The following RASSF5 variants were observed in gnomAD, a reference collection of about 807,000 sequenced individuals.
RASSF5 encodes the protein Ras association domain family member 5.
Under a neutral mutation model 40.5 loss-of-function variants are expected in RASSF5, and 25 were observed. The ratio of observed to expected loss-of-function variants is 0.62; its 90% CI spans 0.45 to 0.86. The LOEUF (loss-of-function observed/expected upper bound fraction) is 0.86. RASSF5 is among the 40% of genes least tolerant of loss of function. The pLI, the probability that RASSF5 is intolerant of heterozygous loss-of-function variation, is 0.00. For synonymous variants in RASSF5, 246 were observed against 252.4 expected, an observed-to-expected ratio of 0.97 and a Z score of 0.24; for missense variants, 521 against 572.8, an observed-to-expected ratio of 0.91 and a Z score of 0.92.
At chr1:206,533,661 AG>A (rs1288208603) in intron 1 of RASSF5, among the ~76,000 whole-genome samples, 14 of 152,144 alleles carry the variant, frequency 9.2e-5, no homozygotes, top group Non-Finnish European at 1.8e-4. Flanking sequence ...ACACTGAGGT[AG>A]GATGATGGCT....
chr1:206,566,812 A>C (rs781791580), intron 2 of RASSF5, among the ~76,000 whole-genome samples: 4 of 152,026 alleles, frequency 2.6e-5, no homozygotes, highest in Non-Finnish European at 4.4e-5. Context: ...TTTCTCTCCT[A>C]TCTCTCCTTT....
At chr1:206,551,385 C>T (rs782656397) in intron 2 of RASSF5, among the ~76,000 whole-genome samples, 1 of 152,214 alleles carries the variant, frequency 6.6e-6, no homozygotes, top group Admixed American at 6.5e-5. Flanking sequence ...TTACCCTGAG[C>T]GGACATCCTT....
intron 2 of RASSF5, among the ~76,000 whole-genome samples, chr1:206,545,197 G>A (rs1408742143): frequency 6.6e-6 from 1 of 152,184 alleles, no homozygotes; most frequent in Non-Finnish European, 1.5e-5. Context: ...AGGCATACCT[G>A]TGTTCTGTCT....
Position 206,521,673 on chromosome 1 carries a change from G to A in RASSF5, c.457+13614G>A, listed in dbSNP as rs1412536338. Among the ~76,000 whole-genome samples, 4 of 152,176 alleles carry A rather than the reference G, an allele frequency of 2.6e-5. No homozygotes were observed. The East Asian group carries it at 7.7e-4, about 29-fold the overall frequency. On this transcript the variant is annotated intron_variant, in intron 1 of 5. Coordinates refer to ENST00000579436, the MANE Select transcript of RASSF5 (RefSeq NM_182663.4). ...CTGCCCTTTGCCCCTTCTCAGAGAT[G>A]ATTGTCTGCCTTAAAAACAGAAACA...
intron 2 of RASSF5, among the ~76,000 whole-genome samples, chr1:206,561,265 C>T (rs1415351394): frequency 2.0e-5 from 3 of 152,198 alleles, no homozygotes; most frequent in African/African-American, 4.8e-5. Flanking sequence ...ACTAACACCC[C>T]TCCAGGACTC....
At chr1:206,569,628 TTA>T (rs1572348970) in intron 2 of RASSF5, among the ~76,000 whole-genome samples, 1 of 152,222 alleles carries the variant, frequency 6.6e-6, no homozygotes, top group East Asian at 1.9e-4. Flanking sequence ...GTAATATATT[TTA>T]TCTTTTTCAT....
chr1:206,569,739 T>C (rs189730834), intron 2 of RASSF5, among the ~76,000 whole-genome samples: 13 of 152,346 alleles, frequency 8.5e-5, no homozygotes, highest in Middle Eastern at 6.8e-3. Context: ...GCCCCTGACC[T>C]TTCTGGGCAG....
At position 206,508,026 on chromosome 1, in the gene RASSF5, C is replaced by T. The variant is rs1553394116; in HGVS notation, c.424C>T (p.Arg142Ter). 1.4e-6 allele frequency: 2 copies of T among 1,437,668 alleles called. No individual in the cohort carries two copies. Among genetic ancestry groups the T allele is most frequent in the Non-Finnish European group, 1.8e-6 (2 of 1,095,410 alleles). The allele number at this position is 1,437,668 out of a possible 1,614,324, so 89.1% of individuals were successfully genotyped here. The change falls in exon 1 of 6, where the codon CGA (arginine) becomes TGA (stop). Residue 142 changes from arginine (R) to a stop codon, truncating the protein, a stop_gained. Coordinates refer to ENST00000579436, the MANE Select transcript of RASSF5 (RefSeq NM_182663.4). LOFTEE classifies it high-confidence loss of function. ...GGPGWCDLCG[R>*]EVLRQALRCT... is the part of the protein sequence containing the mutation. ...CCCCGGCTGGTGTGACCTGTGCGGA[C>T]GAGAGGTGCTGCGGCAGGCGCTGCG...
chr1:206,585,615 T>G, intron 5 of RASSF5: 1 of 219,018 alleles, frequency 4.6e-6, no homozygotes, highest in Non-Finnish European at 9.2e-6. Context: ...CTGTTTTTGC[T>G]TCAAAATGGC....
At chr1:206,574,168 C>T (rs1487648620) in intron 2 of RASSF5, among the ~76,000 whole-genome samples, 5 of 152,230 alleles carry the variant, frequency 3.3e-5, no homozygotes, top group African/African-American at 1.2e-4. Context: ...CTGAGATGGT[C>T]ACCTCAAAGA....
chr1:206,525,864 C>T (rs1667085267), intron 1 of RASSF5, among the ~76,000 whole-genome samples: 1 of 152,204 alleles, frequency 6.6e-6, no homozygotes, highest in Non-Finnish European at 1.5e-5. Flanking sequence ...CCATCCAGCC[C>T]TGCCACACAG....
chr1:206,584,971 T>C lies in RASSF5; in HGVS notation c.989-209T>C, dbSNP rs1669051479. 4.9e-6 allele frequency: 3 copies of C among 607,458 alleles called. No homozygotes were observed. The highest frequency in any genetic ancestry group is 8.8e-6 in the Non-Finnish European group (3 of 342,646). 37.6% of individuals were successfully genotyped at this position (607,458 alleles called of 1,614,324 possible). A position where few individuals can be genotyped will look rare whatever the true frequency, so the allele number is the denominator to read the frequency against. On this transcript the variant is annotated intron_variant, in intron 4 of 5. Coordinates refer to ENST00000579436, the MANE Select transcript of RASSF5 (RefSeq NM_182663.4). The surrounding 1 kb of genome is among the most constrained non-coding windows in gnomAD (Gnocchi z 4.9). Reference sequence around the variant, plus strand: ...ATTCCTAATCTTTCAGGAGATGATGTGAATGGAATCATGCTTTAAACTCTG... The same window carrying C: ...ATTCCTAATCTTTCAGGAGATGATGCGAATGGAATCATGCTTTAAACTCTG...
At chr1:206,519,007 A>G (rs1558496254) in intron 1 of RASSF5, among the ~76,000 whole-genome samples, 1 of 151,966 alleles carries the variant, frequency 6.6e-6, no homozygotes. Flanking sequence ...CTGCAGAGTT[A>G]GTGAAGGTGC....
At chr1:206,555,322 G>T (rs1279390242) in intron 2 of RASSF5, among the ~76,000 whole-genome samples, 2 of 152,084 alleles carry the variant, frequency 1.3e-5, no homozygotes, top group Non-Finnish European at 2.9e-5. Flanking sequence ...GAGCTTCCCG[G>T]CATGAATCCA....
In RASSF5 at chr1:206,579,763, T is replaced by C. The variant is rs141667107; in HGVS notation, c.580-3506T>C. Among the ~76,000 whole-genome samples, 331 of 152,284 alleles carry C rather than the reference T, an allele frequency of 2.2e-3. No homozygotes were observed. Among genetic ancestry groups the C allele is most frequent in the African/African-American group, 7.6e-3 (316 of 41,552 alleles). ...AAGTTTCTAAAGATCCCCCAGATGA[T>C]TGCACTGTGCAGACAAGTTTAAGAA... On this transcript the variant is annotated intron_variant, in intron 2 of 5. Coordinates refer to ENST00000579436, the MANE Select transcript of RASSF5 (RefSeq NM_182663.4). This position sits in a 1 kb window ranked among gnomAD's most constrained non-coding sequence, Gnocchi z 4.2.
intron 2 of RASSF5, among the ~76,000 whole-genome samples, chr1:206,541,489 C>T (rs9661909): frequency 0.5 from 75,908 of 151,894 alleles, 19,231 homozygotes; most frequent in East Asian, 0.73. Flanking sequence ...TCATCGGAAA[C>T]AGGCATCAGA....
chr1:206,558,533 A>G (rs537312238), intron 2 of RASSF5, among the ~76,000 whole-genome samples: 27 of 152,264 alleles, frequency 1.8e-4, no homozygotes, highest in African/African-American at 6.3e-4. Flanking sequence ...GTGAGCTGTT[A>G]TATTTCGCAG....
chr1:206,538,371 T>G, intron 2 of RASSF5, 78 bp downstream of exon 2: 8 of 1,586,340 alleles, frequency 5.0e-6, no homozygotes, highest in Non-Finnish European at 6.9e-6. Flanking sequence ...TCCCAGGAGC[T>G]CTGGTGAGCA....
In RASSF5 at chr1:206,535,778, C is replaced by G. The variant is rs1429195398; in HGVS notation, c.458-2394C>G. Among the ~76,000 whole-genome samples the G allele has an allele frequency of 6.6e-6, 1 of 150,698 alleles. No homozygotes were observed. Among genetic ancestry groups the G allele is most frequent in the African/African-American group, 2.4e-5 (1 of 40,820 alleles). Reference sequence around the variant, plus strand: ...AGAGAGAGATGGAAATTGAGAGATTCAGATGCACAGGTGGACATAGACTGC... The same window carrying G: ...AGAGAGAGATGGAAATTGAGAGATTGAGATGCACAGGTGGACATAGACTGC... On this transcript the variant is annotated intron_variant, in intron 1 of 5. Coordinates refer to ENST00000579436, the MANE Select transcript of RASSF5 (RefSeq NM_182663.4). The surrounding 1 kb of genome is among the most constrained non-coding windows in gnomAD (Gnocchi z 5.0).
Sources: allele counts gnomAD v4.1 joint callset (sites outside exome capture counted in the v4.1 genomes callset), GRCh38; gene constraint gnomAD v4.1.1; non-coding constraint Gnocchi (gnomAD v3.1); transcripts MANE v1.5; gene names NCBI Gene and HGNC (gene_info 2026-07-23, HGNC 2026-07-21).